The following KLF12 variants were observed in gnomAD, a reference collection of about 807,000 sequenced individuals.
The protein encoded by KLF12 is Krueppel-like factor 12.
In KLF12, 9 loss-of-function variants were observed where a neutral mutation model predicts 37.8. That is an observed-to-expected ratio of 0.24 (90% confidence interval 0.14 to 0.42). The LOEUF is 0.42. Among genes scored for constraint, KLF12 ranks in the 10% least tolerant of loss-of-function variants. The probability of loss-of-function intolerance (pLI) is 1.00; values close to 1 mark genes in which losing one functional copy is unlikely to be tolerated. For synonymous variants in KLF12, 208 were observed against 202.1 expected, an observed-to-expected ratio of 1.03 and a Z score of -0.25; for missense variants, 411 against 516.0, an observed-to-expected ratio of 0.80 and a Z score of 1.97.
At chr13:73,855,410 G>C (rs536041773) in intron 3 of KLF12, among the ~76,000 whole-genome samples, 1 of 152,234 alleles carries the variant, frequency 6.6e-6, no homozygotes, top group Admixed American at 6.5e-5. Context: ...TTGCTACAAA[G>C]GCCATGATTT....
the KLF12 span, among the ~76,000 whole-genome samples, chr13:74,286,236 A>G: frequency 1.3e-5 from 2 of 152,046 alleles, no homozygotes; most frequent in South Asian, 4.2e-4. Context: ...ACTGAAATGG[A>G]TGTGAGGTAA....
At chr13:73,944,157 T>G in intron 2 of KLF12, 87 bp from the exon 3 acceptor site, 1 of 764,962 alleles carries the variant, frequency 1.3e-6, no homozygotes, top group Admixed American at 2.3e-5. Context: ...TGTAGTACAT[T>G]TAGTATTGCT....
chr13:73,989,605 C>T (rs1260498386), intron 2 of KLF12, among the ~76,000 whole-genome samples: 1 of 152,128 alleles, frequency 6.6e-6, no homozygotes, highest in Non-Finnish European at 1.5e-5. Flanking sequence ...AAATGACACC[C>T]TTATTTACAC....
intron 5 of KLF12, among the ~76,000 whole-genome samples, chr13:73,774,407 C>T (rs952691216): frequency 6.6e-6 from 1 of 151,832 alleles, no homozygotes; most frequent in Admixed American, 6.6e-5. Context: ...TTTGGCCCTA[C>T]AGGAGATGTG....
chr13:74,111,913 A>C (rs1301679771), intron 1 of KLF12, among the ~76,000 whole-genome samples: 2 of 152,198 alleles, frequency 1.3e-5, no homozygotes, highest in African/African-American at 4.8e-5. Context: ...CTATTTCTAA[A>C]TTTGTTCAGT....
chr13:73,778,855 GTTTAT>G (rs1880788727), intron 5 of KLF12, among the ~76,000 whole-genome samples: 1 of 152,090 alleles, frequency 6.6e-6, no homozygotes, highest in African/African-American at 2.4e-5. Context: ...ACCTTACTTT[GTTTAT>G]TTTAAGAGCA....
chr13:74,203,951 TA>T, the KLF12 span, among the ~76,000 whole-genome samples: 1 of 152,178 alleles, frequency 6.6e-6, no homozygotes, highest in South Asian at 2.1e-4. Context: ...AGAAAGACCT[TA>T]AAAAAAGATA....
At chr13:73,806,306 G>A (rs1336292090) in intron 5 of KLF12, among the ~76,000 whole-genome samples, 3 of 151,838 alleles carry the variant, frequency 2.0e-5, no homozygotes, top group Non-Finnish European at 2.9e-5. Flanking sequence ...ATTTCACCAC[G>A]TTGGCCAGGC....
At chr13:73,875,231 T>C (rs1886648937) in intron 3 of KLF12, among the ~76,000 whole-genome samples, 1 of 152,074 alleles carries the variant, frequency 6.6e-6, no homozygotes, top group Admixed American at 6.5e-5. Context: ...TGAACTCCCA[T>C]GGTGAGCTTT....
intron 4 of KLF12, among the ~76,000 whole-genome samples, chr13:73,819,923 T>C (rs74095768): frequency 0.023 from 3,448 of 152,222 alleles, 87 homozygotes; most frequent in African/African-American, 0.063. Flanking sequence ...ATGTGTTTCA[T>C]GTGCCTGAGG....
the KLF12 span, among the ~76,000 whole-genome samples, chr13:74,287,372 G>T: frequency 6.6e-6 from 1 of 151,302 alleles, no homozygotes; most frequent in African/African-American, 2.4e-5. Context: ...GAGAGAGAGA[G>T]AGAGAGAGAG....
At chr13:74,255,543 A>G in the KLF12 span, among the ~76,000 whole-genome samples, 1 of 152,242 alleles carries the variant, frequency 6.6e-6, no homozygotes, top group African/African-American at 2.4e-5. Flanking sequence ...TAAAATGGAT[A>G]TAATTTCAGG....
intron 2 of KLF12, among the ~76,000 whole-genome samples, chr13:73,988,026 T>C (rs536160236): frequency 6.6e-6 from 1 of 152,232 alleles, no homozygotes; most frequent in East Asian, 1.9e-4. Flanking sequence ...ATTTCCAGAG[T>C]CTCCCCTCTG....
At chr13:73,886,165 G>T (rs966789487) in intron 3 of KLF12, among the ~76,000 whole-genome samples, 28 of 152,152 alleles carry the variant, frequency 1.8e-4, no homozygotes, top group Admixed American at 1.7e-3. Flanking sequence ...AAAGATGAAG[G>T]TCTGAAATTC....
chr13:74,142,999 TTTCC>T, the KLF12 span, among the ~76,000 whole-genome samples: 7 of 151,194 alleles, frequency 4.6e-5, no homozygotes, highest in Non-Finnish European at 8.9e-5. Context: ...TCCTTCCTTC[TTTCC>T]TTCCTTCCTT....
chr13:73,756,682 T>C (rs7994244), intron 6 of KLF12, among the ~76,000 whole-genome samples: 4,695 of 152,234 alleles, frequency 0.031, 223 homozygotes, highest in African/African-American at 0.1. Flanking sequence ...CATCATTTTT[T>C]GGTACTAACA....
chr13:73,913,717 A>G (rs1888682490), intron 3 of KLF12, among the ~76,000 whole-genome samples: 1 of 152,226 alleles, frequency 6.6e-6, no homozygotes, highest in Non-Finnish European at 1.5e-5. Flanking sequence ...TAATACCTTT[A>G]AAATAAAAAG....
chr13:73,788,913 G>A (rs954802923), intron 5 of KLF12, among the ~76,000 whole-genome samples: 1 of 152,138 alleles, frequency 6.6e-6, no homozygotes, highest in Non-Finnish European at 1.5e-5. Context: ...GTAAGTCTCA[G>A]CAAATTCTGC....
chr13:74,148,303 G>A, the KLF12 span, among the ~76,000 whole-genome samples: 1 of 149,970 alleles, frequency 6.7e-6, no homozygotes, highest in South Asian at 2.1e-4. Flanking sequence ...TCCAGTCTTA[G>A]AAAATAAATT....
Sources: allele counts gnomAD v4.1 joint callset (sites outside exome capture counted in the v4.1 genomes callset), GRCh38; gene constraint gnomAD v4.1.1; transcripts MANE v1.5; gene names NCBI Gene and HGNC (gene_info 2026-07-23, HGNC 2026-07-21).